The following CARMIL1 variants were observed in gnomAD, a reference collection of about 807,000 sequenced individuals.
CARMIL1 encodes the protein capping protein regulator and myosin 1 linker 1, also known as F-actin-uncapping protein LRRC16A.
Under a neutral mutation model 177.1 loss-of-function variants are expected in CARMIL1, and 90 were observed. The ratio of observed to expected loss-of-function variants is 0.51; its 90% confidence interval spans 0.43 to 0.61. The LOEUF (loss-of-function observed/expected upper bound fraction) is 0.61. Ranked by LOEUF, CARMIL1 falls within the 20% of genes least tolerant of loss-of-function variation. The pLI is 0.00. For synonymous variants in CARMIL1, 577 were observed against 606.2 expected (o/e 0.95, Z 0.71); for missense variants, 1,380 against 1,667.0 (o/e 0.83, Z 3.00).
At chr6:25,513,072 G>A (rs1026384194) in intron 20 of CARMIL1, among the ~76,000 whole-genome samples, 3 of 152,184 alleles carry the variant, frequency 2.0e-5, no homozygotes, top group African/African-American at 7.2e-5. Flanking sequence ...AGTATTAACT[G>A]GGGTGTATTA....
At chr6:25,568,955 A>G (rs1811815344) in intron 29 of CARMIL1, among the ~76,000 whole-genome samples, 1 of 152,242 alleles carries the variant, frequency 6.6e-6, no homozygotes, top group African/African-American at 2.4e-5. Flanking sequence ...TTGTTAGAAA[A>G]TAATGCCCTA....
chr6:25,376,548 T>A (rs1043167596), intron 2 of CARMIL1, among the ~76,000 whole-genome samples: 4 of 152,376 alleles, frequency 2.6e-5, no homozygotes, highest in Middle Eastern at 3.4e-3. Context: ...AGACTGTGTA[T>A]GACTTCCTTG....
At chr6:25,503,131 CG>C (rs760146570) in intron 17 of CARMIL1, among the ~76,000 whole-genome samples, 28 of 152,096 alleles carry the variant, frequency 1.8e-4, no homozygotes, top group Admixed American at 7.9e-4. Context: ...GGTTAATCTC[CG>C]ATGATGAGCT....
At chr6:25,312,221 G>A (rs6938749) in intron 2 of CARMIL1, among the ~76,000 whole-genome samples, 31,624 of 152,098 alleles carry the variant, frequency 0.21, 4,236 homozygotes, top group East Asian at 0.4. Flanking sequence ...AGCACCCAAG[G>A]TTTATAGAAC....
intron 2 of CARMIL1, among the ~76,000 whole-genome samples, chr6:25,406,572 A>T (rs530779454): frequency 2.9e-4 from 44 of 152,314 alleles, no homozygotes; most frequent in African/African-American, 9.1e-4. Context: ...TTGGAATAGT[A>T]TCATAGTAGT....
chr6:25,405,497 T>C (rs1794280498), intron 2 of CARMIL1, among the ~76,000 whole-genome samples: 1 of 152,200 alleles, frequency 6.6e-6, no homozygotes, highest in Non-Finnish European at 1.5e-5. Context: ...TGAAATCCTT[T>C]ATTAAAGTGG....
intron 35 of CARMIL1, among the ~76,000 whole-genome samples, chr6:25,607,215 T>A (rs369883224): frequency 1.4e-5 from 1 of 71,674 alleles, no homozygotes; most frequent in South Asian, 4.4e-4. Flanking sequence ...ACACATTAGG[T>A]TTTTTTTTTT....
intron 31 of CARMIL1, among the ~76,000 whole-genome samples, chr6:25,587,057 G>A (rs1468118924): frequency 1.4e-5 from 2 of 144,306 alleles, no homozygotes; most frequent in East Asian, 2.1e-4. Context: ...GAGGGGGAGG[G>A]GGAGGGAGAG....
rs186555291 is a variant in CARMIL1 at position 25,601,324 on chromosome 6, T to C, written c.3552+578T>C. On this transcript the variant is annotated intron_variant, in intron 33 of 36. Transcript: ENST00000329474. ...CATAGGCTTTGAAGACTCCGGTCTT[T>C]CCCCACCTGCCCAGGGGCCTCCTGT... 1.8e-4 allele frequency among the ~76,000 whole-genome samples: 28 copies of C among 152,288 alleles called. No individual in the cohort carries two copies. The East Asian group carries it at 5.4e-3, about 29-fold the overall frequency.
chr6:25,308,528 C>T (rs576877653), intron 2 of CARMIL1, among the ~76,000 whole-genome samples: 83 of 152,060 alleles, frequency 5.5e-4, no homozygotes, highest in Non-Finnish European at 9.1e-4. Flanking sequence ...ACTACAGGCG[C>T]GTGCCACCAC....
intron 2 of CARMIL1, 50 bp from the exon 3 acceptor site, chr6:25,420,064 T>C (rs952137704): frequency 6.8e-7 from 1 of 1,461,594 alleles, no homozygotes; most frequent in South Asian, 1.1e-5. Context: ...CAAAGCCCAC[T>C]GGCCCCACTT....
At chr6:25,553,662 T>G (rs1450116714) in intron 27 of CARMIL1, among the ~76,000 whole-genome samples, 1 of 152,218 alleles carries the variant, frequency 6.6e-6, no homozygotes, top group Admixed American at 6.5e-5. Context: ...AGCCCAGGTT[T>G]GTTTTCCTTT....
intron 2 of CARMIL1, among the ~76,000 whole-genome samples, chr6:25,309,729 T>C (rs1296187535): frequency 6.6e-6 from 1 of 152,006 alleles, no homozygotes; most frequent in African/African-American, 2.4e-5. Context: ...TCTTTTATTA[T>C]GGTTGAATGA....
intron 2 of CARMIL1, among the ~76,000 whole-genome samples, chr6:25,407,199 G>A (rs1274859255): frequency 6.6e-6 from 1 of 152,124 alleles, no homozygotes; most frequent in Non-Finnish European, 1.5e-5. Context: ...ACTGAGTATG[G>A]GTACCTTTTT....
intron 2 of CARMIL1, among the ~76,000 whole-genome samples, chr6:25,295,484 T>C (rs1453908646): frequency 6.6e-6 from 1 of 152,224 alleles, no homozygotes; most frequent in African/African-American, 2.4e-5. Flanking sequence ...ATTGCCATCA[T>C]TGCCTAATAG....
intron 2 of CARMIL1, among the ~76,000 whole-genome samples, chr6:25,408,729 G>A (rs76196327): frequency 3.0e-3 from 452 of 152,082 alleles, no homozygotes; most frequent in Non-Finnish European, 3.7e-3. Context: ...AGAAGTTGGG[G>A]CTGTATAGAA....
intron 23 of CARMIL1, among the ~76,000 whole-genome samples, chr6:25,526,731 T>C (rs1170441467): frequency 1.3e-5 from 2 of 152,014 alleles, no homozygotes; most frequent in Non-Finnish European, 2.9e-5. Context: ...TTTTTAATTT[T>C]TTGTAGGGAT....
intron 26 of CARMIL1, among the ~76,000 whole-genome samples, chr6:25,548,678 A>T (rs551239014): frequency 6.6e-6 from 1 of 152,276 alleles, no homozygotes; most frequent in Non-Finnish European, 1.5e-5. Context: ...GCAGCCCTAG[A>T]TACTGTTTAT....
chr6:25,456,728 G>A (rs9467520), intron 8 of CARMIL1, among the ~76,000 whole-genome samples: 35 of 152,010 alleles, frequency 2.3e-4, no homozygotes, highest in African/African-American at 6.5e-4. Flanking sequence ...TCGATTTCTC[G>A]TGTTCCTGAC....
Sources: allele counts gnomAD v4.1 joint callset (sites outside exome capture counted in the v4.1 genomes callset), GRCh38; gene constraint gnomAD v4.1.1; transcripts MANE v1.5; gene names NCBI Gene and HGNC (gene_info 2026-07-23, HGNC 2026-07-21).